The following CDH23 variants were observed in gnomAD, a reference collection of about 807,000 sequenced individuals.
The protein encoded by CDH23 is cadherin-23.
In CDH23, 189 loss-of-function variants were observed where a neutral mutation model predicts 317.1. The observed-to-expected ratio is 0.60, with a 90% confidence interval of 0.53 to 0.67. CDH23 has a LOEUF of 0.67. Among genes scored for constraint, CDH23 ranks in the 30% least tolerant of loss-of-function variants. The pLI is 0.00. For synonymous variants in CDH23, 1,839 were observed against 1,876.8 expected (o/e 0.98, Z 0.52); for missense variants, 4,401 against 4,592.4 (o/e 0.96, Z 1.20).
chr10:71,406,849 C>T (rs986464507), intron 1 of CDH23, among the ~76,000 whole-genome samples: 3 of 152,172 alleles, frequency 2.0e-5, no homozygotes, highest in Non-Finnish European at 4.4e-5. Context: ...AGGGAAAACC[C>T]TTTGGCAAGC....
At chr10:71,410,624 G>GA (rs2131918938) in intron 1 of CDH23, among the ~76,000 whole-genome samples, 1 of 152,234 alleles carries the variant, frequency 6.6e-6, no homozygotes, top group South Asian at 2.1e-4. Context: ...CCCAGACTAA[G>GA]AAAAAAGTGA....
chr10:71,599,538 G>A (rs1589250342), intron 9 of CDH23, among the ~76,000 whole-genome samples: 1 of 152,292 alleles, frequency 6.6e-6, no homozygotes, highest in East Asian at 1.9e-4. Context: ...GTGTTGTGGG[G>A]GGTGATTTTA....
intron 3 of CDH23, among the ~76,000 whole-genome samples, chr10:71,451,747 G>C (rs1020025618): frequency 6.6e-6 from 1 of 152,316 alleles, no homozygotes; most frequent in African/African-American, 2.4e-5. Context: ...TTCTTGGCCT[G>C]TGAATGCCTC....
chr10:71,609,361 C>T (rs1012828711), intron 9 of CDH23, among the ~76,000 whole-genome samples: 1 of 151,968 alleles, frequency 6.6e-6, no homozygotes, highest in African/African-American at 2.4e-5. Flanking sequence ...GACTCTGCGG[C>T]GCCCTCTAGC....
At chr10:71,399,516 G>A (rs1474176748) in intron 1 of CDH23, among the ~76,000 whole-genome samples, 1 of 152,154 alleles carries the variant, frequency 6.6e-6, no homozygotes, top group Non-Finnish European at 1.5e-5. Flanking sequence ...TGGCCCCTTC[G>A]GGTTGTACCA....
chr10:71,601,970 G>C (rs910102096), intron 9 of CDH23, among the ~76,000 whole-genome samples: 12 of 150,908 alleles, frequency 8.0e-5, no homozygotes, highest in Admixed American at 5.9e-4. Context: ...GAGGGGGGGG[G>C]GCTCTGCAGC....
intron 3 of CDH23, among the ~76,000 whole-genome samples, chr10:71,484,853 A>C (rs1852258104): frequency 6.6e-6 from 1 of 151,900 alleles, no homozygotes; most frequent in Non-Finnish European, 1.5e-5. Context: ...TCTCCTATGC[A>C]TTGATGTCTG....
chr10:71,430,611 C>T (rs1314668803), intron 1 of CDH23, among the ~76,000 whole-genome samples: 1 of 152,168 alleles, frequency 6.6e-6, no homozygotes, highest in Non-Finnish European at 1.5e-5. Flanking sequence ...GAGTTCGAGA[C>T]AACCTGACCA....
chr10:71,574,563 A>C (rs556802568), intron 8 of CDH23, among the ~76,000 whole-genome samples: 9 of 152,182 alleles, frequency 5.9e-5, no homozygotes, highest in African/African-American at 2.2e-4. Context: ...CTCCTGAAGC[A>C]AGCTGCACGT....
At chr10:71,643,432 G>T (rs998783459) in intron 11 of CDH23, among the ~76,000 whole-genome samples, 4 of 152,198 alleles carry the variant, frequency 2.6e-5, no homozygotes, top group African/African-American at 9.7e-5. Context: ...GGTGTTTGGG[G>T]TTGTTTCCTG....
intron 41 of CDH23, among the ~76,000 whole-genome samples, chr10:71,783,153 C>A (rs1841002457): frequency 6.6e-6 from 1 of 152,212 alleles, no homozygotes; most frequent in African/African-American, 2.4e-5. Flanking sequence ...CATTCCATTT[C>A]CTGGGGGAAT....
chr10:71,443,414 CCT>C (rs1849994874), intron 2 of CDH23, among the ~76,000 whole-genome samples: 1 of 152,244 alleles, frequency 6.6e-6, no homozygotes, highest in African/African-American at 2.4e-5. Flanking sequence ...TCTGTTTACC[CCT>C]GTGTGTGGGA....
chr10:71,639,086 C>T (rs529016611), intron 11 of CDH23, among the ~76,000 whole-genome samples: 4 of 152,338 alleles, frequency 2.6e-5, no homozygotes, highest in South Asian at 2.1e-4. Context: ...GCTGTCACCT[C>T]GGCCTCCCCG....
chr10:71,637,846 G>A (rs1479740318), intron 11 of CDH23, among the ~76,000 whole-genome samples: 5 of 27,034 alleles, frequency 1.8e-4, no homozygotes, highest in African/African-American at 5.8e-4. Context: ...CCTACCCCCC[G>A]ACCCCAAACA....
rs137949351 is a variant in CDH23, at chr10:71,664,058, G to A, written c.1450-11054G>A. ...CATGAAGTGCCTTGCACAGTGCCAG[G>A]TCCACAGATGGCACTCAGCAAGGGA... On this transcript the variant is annotated intron_variant, in intron 14 of 69. Transcript: ENST00000224721. Among the ~76,000 whole-genome samples the A allele has an allele frequency of 4.8e-4, 73 of 151,730 alleles. No homozygotes were observed. In the East Asian group the frequency reaches 0.012, roughly 25 times the overall value.
intron 3 of CDH23, among the ~76,000 whole-genome samples, chr10:71,496,561 C>G (rs555658708): frequency 6.6e-6 from 1 of 152,332 alleles, no homozygotes; most frequent in African/African-American, 2.4e-5. Context: ...CTAGTCACAA[C>G]GTTGGGAGTG....
chr10:71,574,773 T>C lies in CDH23; in HGVS notation c.754-3141T>C, dbSNP rs182700530. 5.2e-3 allele frequency among the ~76,000 whole-genome samples: 790 copies of C among 152,140 alleles called. 1 individual carries two copies. Among genetic ancestry groups the C allele is most frequent in the Middle Eastern group, 0.01 (3 of 294 alleles). On this transcript the variant is annotated intron_variant, in intron 8 of 69. Transcript: ENST00000224721. ...AGAGAAGTCCAGCTTCTCTCAACTG[T>C]GTCCCCACTGCCCGGGCCTCAGAGG...
chr10:71,789,126 A>G (rs1841176806), intron 45 of CDH23, 84 bp downstream of exon 45: 1 of 733,772 alleles, frequency 1.4e-6, no homozygotes, highest in Admixed American at 2.0e-5. Flanking sequence ...CCTTATGCCT[A>G]ACGGCATAGC....
At chr10:71,432,074 AC>A (rs1376516162) in intron 1 of CDH23, among the ~76,000 whole-genome samples, 1 of 152,000 alleles carries the variant, frequency 6.6e-6, no homozygotes, top group Non-Finnish European at 1.5e-5. Flanking sequence ...TTTGCAAGGA[AC>A]CTGGCTTCCT....
Sources: allele counts gnomAD v4.1 joint callset (sites outside exome capture counted in the v4.1 genomes callset), GRCh38; gene constraint gnomAD v4.1.1; transcripts MANE v1.5; gene names NCBI Gene and HGNC (gene_info 2026-07-23, HGNC 2026-07-21).